The following RORA variants were observed in gnomAD, a reference collection of about 807,000 sequenced individuals.
RORA encodes the protein nuclear receptor ROR-alpha.
Under a neutral mutation model 69.5 loss-of-function variants are expected in RORA, and 7 were observed. The ratio of observed to expected loss-of-function variants is 0.10; its 90% confidence interval spans 0.06 to 0.19. RORA has a LOEUF of 0.19. RORA is among the 10% of genes least tolerant of loss of function. The pLI is 1.00. For missense variants in RORA, 457 were observed against 663.0 expected (o/e 0.69, Z 3.41); for synonymous variants, 261 against 240.8 (o/e 1.08, Z -0.78).
intron 1 of RORA, among the ~76,000 whole-genome samples, chr15:61,109,838 G>T (rs1310351367): frequency 1.3e-5 from 2 of 152,140 alleles, no homozygotes; most frequent in Admixed American, 6.5e-5. Context: ...GTATCTGAGA[G>T]CTTGATCCAC....
intron 3 of RORA, among the ~76,000 whole-genome samples, chr15:60,525,006 T>C (rs185167898): frequency 2.3e-3 from 355 of 152,262 alleles, no homozygotes; most frequent in African/African-American, 8.2e-3. Context: ...ATAGACTTCT[T>C]AATACACCAC....
chr15:60,489,811 C>T lies in RORA; in HGVS notation c.*7644G>A, dbSNP rs1170529096. ...TTATCTATAATAGGAGCTAAGAATA[C>T]AACTGTGTTAGGTGCCAGTAATACA... On this transcript the variant is annotated 3_prime_UTR_variant, in exon 11 of 11. Coordinates refer to ENST00000335670, the MANE Select transcript of RORA (RefSeq NM_134261.3). 1 of 152,034 alleles carries T rather than the reference C, an allele frequency of 6.6e-6. No homozygotes were observed. Among genetic ancestry groups the T allele is most frequent in the Non-Finnish European group, 1.5e-5 (1 of 68,012 alleles). The allele number at this position is 152,034 out of a possible 1,614,324, so 9.4% of individuals were successfully genotyped here.
At chr15:60,749,281 T>C (rs1377683571) in intron 1 of RORA, among the ~76,000 whole-genome samples, 1 of 152,238 alleles carries the variant, frequency 6.6e-6, no homozygotes, top group East Asian at 1.9e-4. Context: ...CATTAATTCT[T>C]CCAGTAAATT....
intron 1 of RORA, among the ~76,000 whole-genome samples, chr15:61,089,888 C>T (rs781642524): frequency 2.6e-5 from 4 of 152,128 alleles, no homozygotes; most frequent in African/African-American, 9.7e-5. Context: ...GAGGGTAGAA[C>T]ATTCCCAATT....
intron 1 of RORA, among the ~76,000 whole-genome samples, chr15:60,972,559 T>G (rs1893750068): frequency 6.6e-6 from 1 of 152,202 alleles, no homozygotes; most frequent in African/African-American, 2.4e-5. Context: ...TGTGTATGCA[T>G]GTCTCACTGC....
chr15:60,549,297 G>A (rs1336633535), intron 2 of RORA, among the ~76,000 whole-genome samples: 3 of 152,204 alleles, frequency 2.0e-5, no homozygotes, highest in Non-Finnish European at 2.9e-5. Context: ...CTTAGGTAGC[G>A]AGCAAGTGTT....
At chr15:60,845,523 G>A (rs556386956) in intron 1 of RORA, among the ~76,000 whole-genome samples, 6 of 152,244 alleles carry the variant, frequency 3.9e-5, no homozygotes, top group South Asian at 2.1e-4. Flanking sequence ...CGGGGGTGCC[G>A]ATTGGAAGCT....
chr15:61,169,961 T>TCCC (rs1261128903), intron 1 of RORA, among the ~76,000 whole-genome samples: 5 of 152,092 alleles, frequency 3.3e-5, no homozygotes, highest in Admixed American at 2.6e-4. Flanking sequence ...GGACACCTAC[T>TCCC]CCCAGAGGCA....
chr15:60,724,883 G>T (rs1464092814), intron 1 of RORA, among the ~76,000 whole-genome samples: 1 of 152,172 alleles, frequency 6.6e-6, no homozygotes, highest in East Asian at 1.9e-4. Flanking sequence ...GGTGCTCCCA[G>T]GTCCTGGCTC....
At chr15:60,793,435 G>A (rs2072446134) in intron 1 of RORA, among the ~76,000 whole-genome samples, 1 of 152,202 alleles carries the variant, frequency 6.6e-6, no homozygotes, top group Middle Eastern at 3.2e-3. Flanking sequence ...CACAATACAT[G>A]TGCTCTGCAA....
chr15:60,924,603 T>G (rs1892153033), intron 1 of RORA, among the ~76,000 whole-genome samples: 1 of 152,066 alleles, frequency 6.6e-6, no homozygotes, highest in Non-Finnish European at 1.5e-5. Flanking sequence ...GCCCTTTCTA[T>G]CCTCAGATTC....
intron 1 of RORA, among the ~76,000 whole-genome samples, chr15:60,726,626 T>C (rs1011819973): frequency 3.3e-5 from 5 of 152,222 alleles, no homozygotes; most frequent in Non-Finnish European, 5.9e-5. Flanking sequence ...TTGCTTTGCG[T>C]AGGCCCCGCC....
At chr15:60,994,397 G>A (rs374305770) in intron 1 of RORA, among the ~76,000 whole-genome samples, 2 of 152,290 alleles carry the variant, frequency 1.3e-5, no homozygotes, top group East Asian at 1.9e-4. Flanking sequence ...TGAATGTAAC[G>A]TAACCAATTG....
chr15:60,505,654 AAC>A (rs1458338974), intron 5 of RORA, 25 bp from the exon 6 acceptor site: 1 of 1,609,580 alleles, frequency 6.2e-7, no homozygotes, highest in Non-Finnish European at 8.5e-7. Flanking sequence ...GGAGATCACA[AAC>A]ACGAAAAGCG....
At chr15:60,607,862 A>T (rs954067658) in intron 2 of RORA, among the ~76,000 whole-genome samples, 14 of 152,254 alleles carry the variant, frequency 9.2e-5, no homozygotes, top group Non-Finnish European at 1.8e-4. Flanking sequence ...AAAAAAGAAG[A>T]AAGCCATAGA....
chr15:60,922,781 C>G (rs1438356589), intron 1 of RORA, among the ~76,000 whole-genome samples: 1 of 152,210 alleles, frequency 6.6e-6, no homozygotes, highest in Non-Finnish European at 1.5e-5. Context: ...GAGTTTCTGT[C>G]TGTAACACTC....
At chr15:60,571,289 C>T (rs911252888) in intron 2 of RORA, among the ~76,000 whole-genome samples, 3 of 151,900 alleles carry the variant, frequency 2.0e-5, no homozygotes, top group Admixed American at 6.6e-5. Flanking sequence ...TTGAATTCAT[C>T]GTAATGGTAT....
At chr15:60,910,081 T>G (rs940034178) in intron 1 of RORA, among the ~76,000 whole-genome samples, 1 of 152,174 alleles carries the variant, frequency 6.6e-6, no homozygotes, top group African/African-American at 2.4e-5. Flanking sequence ...CTACCCAACA[T>G]GCCAATAAAA....
At chr15:60,806,202 A>G (rs971021291) in intron 1 of RORA, among the ~76,000 whole-genome samples, 1 of 152,190 alleles carries the variant, frequency 6.6e-6, no homozygotes, top group Non-Finnish European at 1.5e-5. Context: ...GGCGGGAAAA[A>G]AATGCAAGGA....
Sources: allele counts gnomAD v4.1 joint callset (sites outside exome capture counted in the v4.1 genomes callset), GRCh38; gene constraint gnomAD v4.1.1; transcripts MANE v1.5; gene names NCBI Gene and HGNC (gene_info 2026-07-23, HGNC 2026-07-21).